Variants in SCLT1 observed in about 807,000 individuals in gnomAD.
SCLT1 encodes the protein sodium channel-associated protein 1.
SCLT1 carries 78 observed loss-of-function variants against 112.8 expected under a neutral mutation model. That is an observed-to-expected ratio of 0.69 (90% confidence interval 0.58 to 0.83). The LOEUF (loss-of-function observed/expected upper bound fraction) is 0.83. Ranked by LOEUF, SCLT1 falls within the 40% of genes least tolerant of loss-of-function variation. SCLT1 has a pLI of 0.00. For missense variants in SCLT1, 747 were observed against 770.4 expected (o/e 0.97, Z 0.36); for synonymous variants, 257 against 254.7 (o/e 1.01, Z -0.09).
intron 18 of SCLT1, among the ~76,000 whole-genome samples, chr4:128,895,268 T>G (rs1167697209): frequency 6.6e-6 from 1 of 152,164 alleles, no homozygotes; most frequent in African/African-American, 2.4e-5. Flanking sequence ...AAAACACCAC[T>G]TTAATAATTT....
chr4:128,942,491 A>G (rs1304015728), intron 17 of SCLT1, among the ~76,000 whole-genome samples: 1 of 152,116 alleles, frequency 6.6e-6, no homozygotes, highest in Non-Finnish European at 1.5e-5. Context: ...TATAAGCATC[A>G]GAGGAGAAGG....
intron 9 of SCLT1, among the ~76,000 whole-genome samples, chr4:128,975,482 C>T (rs1270875650): frequency 1.3e-5 from 2 of 152,048 alleles, no homozygotes; most frequent in African/African-American, 4.8e-5. Context: ...TTTTTTGAGA[C>T]TTAACATCAA....
chr4:128,998,962 C>A (rs1178680093), intron 7 of SCLT1, among the ~76,000 whole-genome samples: 1 of 151,828 alleles, frequency 6.6e-6, no homozygotes, highest in Non-Finnish European at 1.5e-5. Flanking sequence ...AATTAGAATT[C>A]CTCCATAGTG....
intron 12 of SCLT1, 36 bp from the exon 13 acceptor site, chr4:128,957,160 T>C (rs755931681): frequency 8.0e-7 from 1 of 1,256,558 alleles, no homozygotes; most frequent in Admixed American, 2.0e-5. Flanking sequence ...ATAGATAACA[T>C]TATTATTAGT....
intron 5 of SCLT1, among the ~76,000 whole-genome samples, chr4:129,008,098 T>C (rs1485882940): frequency 1.3e-5 from 2 of 152,102 alleles, no homozygotes; most frequent in Non-Finnish European, 2.9e-5. Flanking sequence ...TTTAAAGCCA[T>C]TATTATTATT....
intron 5 of SCLT1, among the ~76,000 whole-genome samples, chr4:129,019,945 C>T (rs995580633): frequency 1.4e-4 from 21 of 152,152 alleles, no homozygotes; most frequent in African/African-American, 4.8e-4. Flanking sequence ...AAGTTGCACC[C>T]CTTCCTCTGT....
intron 11 of SCLT1, among the ~76,000 whole-genome samples, chr4:128,964,392 T>C (rs974408720): frequency 6.6e-6 from 1 of 152,148 alleles, no homozygotes; most frequent in Non-Finnish European, 1.5e-5. Context: ...GGTAAAGGTA[T>C]CCGAAGGGCC....
At chr4:128,937,002 G>C (rs921630013) in intron 17 of SCLT1, 151 bp from the exon 18 acceptor site, 20 of 440,984 alleles carry the variant, frequency 4.5e-5, no homozygotes, top group Admixed American at 1.3e-4. Flanking sequence ...AGTTTGGTCA[G>C]GTGCGGTGGC....
chr4:129,046,634 TACAA>T (rs1172540144), intron 2 of SCLT1, among the ~76,000 whole-genome samples: 8 of 152,142 alleles, frequency 5.3e-5, no homozygotes, highest in Non-Finnish European at 1.2e-4. Flanking sequence ...ACAGTGCTGC[TACAA>T]ACATTCTTGA....
chr4:128,954,918 A>T (rs938797491), intron 13 of SCLT1, among the ~76,000 whole-genome samples: 1 of 152,324 alleles, frequency 6.6e-6, no homozygotes, highest in Non-Finnish European at 1.5e-5. Context: ...GCTCTCTCAC[A>T]TAATTTCTAA....
At chr4:128,986,678 C>T (rs1397923644) in intron 9 of SCLT1, among the ~76,000 whole-genome samples, 1 of 152,154 alleles carries the variant, frequency 6.6e-6, no homozygotes, top group African/African-American at 2.4e-5. Flanking sequence ...TAGATTTTTG[C>T]ACCTGGATGC....
chr4:129,085,158 T>G (rs186594334), intron 1 of SCLT1, among the ~76,000 whole-genome samples: 16 of 152,198 alleles, frequency 1.1e-4, no homozygotes, highest in Non-Finnish European at 2.2e-4. Context: ...TATAAGGAAC[T>G]TGAACAAATT....
chr4:129,005,761 C>T (rs1394806486), intron 5 of SCLT1, among the ~76,000 whole-genome samples: 2 of 150,178 alleles, frequency 1.3e-5, no homozygotes, highest in Admixed American at 1.3e-4. Context: ...GACTTGGAAC[C>T]AACCCAAATG....
intron 2 of SCLT1, among the ~76,000 whole-genome samples, chr4:129,073,526 C>G (rs1025481049): frequency 1.3e-5 from 2 of 152,084 alleles, no homozygotes; most frequent in African/African-American, 4.8e-5. Flanking sequence ...ATCTACCCAT[C>G]ATTTATATGG....
At chr4:128,959,575 TA>T in intron 12 of SCLT1, 24 bp downstream of exon 12, 2 of 1,569,122 alleles carry the variant, frequency 1.3e-6, no homozygotes, top group Non-Finnish European at 1.8e-6. Flanking sequence ...TTATTATATC[TA>T]AACATATTTA....
At chr4:128,978,542 C>A (rs1449203577) in intron 9 of SCLT1, among the ~76,000 whole-genome samples, 1 of 151,870 alleles carries the variant, frequency 6.6e-6, no homozygotes, top group Non-Finnish European at 1.5e-5. Flanking sequence ...TAGAAAAAAT[C>A]ATCAGTTAAG....
At chr4:128,906,861 C>CTA (rs1215008676) in intron 18 of SCLT1, among the ~76,000 whole-genome samples, 1 of 152,130 alleles carries the variant, frequency 6.6e-6, no homozygotes, top group Admixed American at 6.5e-5. Flanking sequence ...TATTGGAAAG[C>CTA]TACTAGGCTT....
intron 5 of SCLT1, chr4:129,037,542 G>A (rs575877550): frequency 2.6e-5 from 4 of 152,156 alleles, no homozygotes. Flanking sequence ...TGGAAATAAT[G>A]CTGCCATGGT....
intron 5 of SCLT1, among the ~76,000 whole-genome samples, chr4:129,007,223 G>A (rs1275887576): frequency 6.6e-6 from 1 of 151,850 alleles, no homozygotes; most frequent in South Asian, 2.1e-4. Flanking sequence ...GAAGGTCTTC[G>A]GTATTAGTAT....
Sources: gnomAD v4.1 joint callset for allele counts (sites outside exome capture counted in the v4.1 genomes callset) on GRCh38, gnomAD v4.1.1 for gene constraint, MANE v1.5 for transcripts, NCBI Gene and HGNC (gene_info 2026-07-23, HGNC 2026-07-21) for gene names.